SNX4: variants seen among roughly 807,000 people sequenced by gnomAD.
The protein encoded by SNX4 is sorting nexin-4.
A neutral mutation model predicts 70.8 loss-of-function variants in SNX4; 49 were observed. The observed-to-expected ratio is 0.69, with a 90% CI of 0.55 to 0.88. The LOEUF is 0.88. Among genes scored for constraint, SNX4 ranks in the 40% least tolerant of loss-of-function variants. The pLI is 0.00. For missense variants in SNX4, 528 were observed against 544.8 expected (o/e 0.97, Z 0.31); for synonymous variants, 206 against 183.8 (o/e 1.12, Z -0.98).
In SNX4 at chr3:125,497,835, T is replaced by C; in HGVS notation, c.548A>G (p.Gln183Arg). 1 of 1,579,096 alleles carries C rather than the reference T, an allele frequency of 6.3e-7. No homozygotes were observed. ...TAAGACTAAATAAAAGAAAAATACC[T>C]GTGTTAAAAACAGATAGAAGATTTT... is the stretch of plus-strand genomic sequence containing the variant. ...RDKIFYLFLT[Q>R]EGNWKETVNE... The change falls in exon 4 of 14, where the codon CAG becomes CGG. Residue 183 changes from glutamine to arginine, a missense_variant and splice_region_variant. This residue lies in a region of SNX4 where 341 missense variants were observed against 312.2 expected (regional missense o/e 1.09). Coordinates refer to ENST00000251775, the MANE Select transcript of SNX4 (RefSeq NM_003794.4).
intron 13 of SNX4, among the ~76,000 whole-genome samples, chr3:125,448,436 G>A (rs1258710004): frequency 4.6e-5 from 7 of 151,044 alleles, no homozygotes; most frequent in East Asian, 3.9e-4. Flanking sequence ...TGCCCGGCTC[G>A]GTTTTTTCAA....
chr3:125,506,849 A>G (rs1398228573), intron 1 of SNX4, among the ~76,000 whole-genome samples: 1 of 127,080 alleles, frequency 7.9e-6, no homozygotes, highest in African/African-American at 3.0e-5. Context: ...AAAAAAAAAA[A>G]AAAAAAGATG....
intron 6 of SNX4, among the ~76,000 whole-genome samples, chr3:125,481,452 T>C (rs1462798105): frequency 6.6e-6 from 1 of 151,684 alleles, no homozygotes; most frequent in Non-Finnish European, 1.5e-5. Flanking sequence ...GAAATCTTTT[T>C]TTTTTTTTTT....
chr3:125,480,986 C>T (rs946460543), intron 6 of SNX4, among the ~76,000 whole-genome samples: 5 of 152,136 alleles, frequency 3.3e-5, no homozygotes, highest in Admixed American at 1.3e-4. Context: ...ATCAGCATAT[C>T]AATTAACTCA....
intron 6 of SNX4, among the ~76,000 whole-genome samples, chr3:125,488,948 G>C (rs1206675188): frequency 6.6e-6 from 1 of 152,124 alleles, no homozygotes; most frequent in Non-Finnish European, 1.5e-5. Flanking sequence ...TTTTAATATG[G>C]AAATGCTCTC....
chr3:125,515,545 G>A (rs1935256989), intron 1 of SNX4, among the ~76,000 whole-genome samples: 1 of 149,372 alleles, frequency 6.7e-6, no homozygotes, highest in Non-Finnish European at 1.5e-5. Flanking sequence ...TATGCCTGTA[G>A]TTCCAGCTAC....
intron 1 of SNX4, among the ~76,000 whole-genome samples, chr3:125,506,599 G>C (rs924599538): frequency 6.7e-6 from 1 of 148,994 alleles, no homozygotes; most frequent in Non-Finnish European, 1.5e-5. Context: ...TCCACCTCTT[G>C]GGTTCAAGGG....
intron 6 of SNX4, among the ~76,000 whole-genome samples, chr3:125,483,298 T>C: frequency 6.6e-6 from 1 of 152,186 alleles, no homozygotes; most frequent in African/African-American, 2.4e-5. Context: ...GCTAATACTT[T>C]GTTAAACTCT....
intron 9 of SNX4, among the ~76,000 whole-genome samples, chr3:125,467,900 C>G (rs547089264): frequency 6.6e-6 from 1 of 152,140 alleles, no homozygotes; most frequent in African/African-American, 2.4e-5. Flanking sequence ...GTCTATATCC[C>G]CCAAAATATA....
chr3:125,520,098 A>T lies in SNX4; in HGVS notation c.75T>A (p.Ala25=), dbSNP rs1271163706. 1 of 1,523,352 alleles carries T rather than the reference A, an allele frequency of 6.6e-7. No individual in the cohort carries two copies. The highest frequency in any genetic ancestry group is 8.8e-7 in the Non-Finnish European group (1 of 1,139,144). 94.4% of individuals were successfully genotyped at this position (1,523,352 alleles called of 1,614,324 possible). The part of the protein sequence containing the change: ...APLEPLGSPD[A]GLGAAVGKEA... ...CCTTGCCGACCGCAGCCCCCAGCCC[A>T]GCGTCTGGGGAGCCCAGCGGCTCCA... The change falls in exon 1 of 14, where the codon GCT becomes GCA. Residue 25 remains alanine, a synonymous_variant. Transcript: ENST00000251775.
At chr3:125,485,064 C>CA (rs1187435072) in intron 6 of SNX4, among the ~76,000 whole-genome samples, 49 of 146,978 alleles carry the variant, frequency 3.3e-4, no homozygotes, top group African/African-American at 4.8e-4. Context: ...ACTCCATCTC[C>CA]AAAAAAAAAC....
intron 6 of SNX4, among the ~76,000 whole-genome samples, chr3:125,484,340 T>C (rs562441669): frequency 6.6e-6 from 1 of 152,330 alleles, no homozygotes; most frequent in Non-Finnish European, 1.5e-5. Context: ...CTGCAACCTC[T>C]GCCCCTTGAG....
intron 9 of SNX4, among the ~76,000 whole-genome samples, chr3:125,461,159 G>T (rs912835040): frequency 3.3e-5 from 5 of 152,218 alleles, no homozygotes; most frequent in African/African-American, 1.2e-4. Flanking sequence ...CCGGGAGGAG[G>T]AGGTTGCAGT....
chr3:125,458,841 A>AG (rs1933801314), intron 10 of SNX4, among the ~76,000 whole-genome samples: 1 of 83,024 alleles, frequency 1.2e-5, no homozygotes, highest in African/African-American at 5.4e-5. Context: ...AAAAAAAAAA[A>AG]AAAAGAAAAG....
chr3:125,472,955 CAA>C (rs961989295), intron 8 of SNX4, among the ~76,000 whole-genome samples: 1 of 151,750 alleles, frequency 6.6e-6, no homozygotes, highest in Non-Finnish European at 1.5e-5. Context: ...AGCCTCTTCT[CAA>C]AAAAGTCTTA....
intron 2 of SNX4, among the ~76,000 whole-genome samples, chr3:125,502,253 CATAAACATACATATGTCATG>C (rs1431845464): frequency 2.6e-5 from 4 of 152,052 alleles, no homozygotes; most frequent in Non-Finnish European, 4.4e-5. Flanking sequence ...CTCTGGGATA[CATAAACATACATATGTCATG>C]AAATGACCTA....
chr3:125,493,602 C>T (rs566977747), intron 5 of SNX4, among the ~76,000 whole-genome samples: 29 of 143,410 alleles, frequency 2.0e-4, no homozygotes, highest in South Asian at 4.5e-4. Flanking sequence ...TGCAGTGAAC[C>T]GAGATCACAC....
At chr3:125,490,729 TA>T (rs1934639813) in intron 5 of SNX4, among the ~76,000 whole-genome samples, 1 of 151,450 alleles carries the variant, frequency 6.6e-6, no homozygotes. Flanking sequence ...TTTCACTGCA[TA>T]AAATGTATAC....
intron 2 of SNX4, among the ~76,000 whole-genome samples, chr3:125,502,888 A>T (rs1488664041): frequency 2.7e-5 from 4 of 149,866 alleles, no homozygotes; most frequent in African/African-American, 7.3e-5. Flanking sequence ...ACATTAAAAC[A>T]TTGTTATAAC....
Sources: gnomAD v4.1 joint callset for allele counts (sites outside exome capture counted in the v4.1 genomes callset) on GRCh38, gnomAD v4.1.1 for gene constraint, gnomAD v4.1.1 regional missense constraint, MANE v1.5 for transcripts, NCBI Gene and HGNC (gene_info 2026-07-23, HGNC 2026-07-21) for gene names.